Variants in MAP4K3 observed in about 807,000 individuals in gnomAD.
MAP4K3 encodes mitogen-activated protein kinase kinase kinase kinase 3, also known as MAPK/ERK kinase kinase kinase 3.
A neutral mutation model predicts 143.5 loss-of-function variants in MAP4K3; 94 were observed. The observed-to-expected ratio is 0.65, with a 90% CI of 0.55 to 0.78. The LOEUF is 0.78. Among genes scored for constraint, MAP4K3 ranks in the 30% least tolerant of loss-of-function variants. MAP4K3 has a pLI of 0.00. For synonymous variants in MAP4K3, 416 were observed against 347.2 expected, an observed-to-expected ratio of 1.20 and a Z score of -2.20; for missense variants, 1,077 against 1,068.1, an observed-to-expected ratio of 1.01 and a Z score of -0.12.
intron 28 of MAP4K3, among the ~76,000 whole-genome samples, chr2:39,262,733 T>C (rs760009103): frequency 6.6e-5 from 10 of 152,182 alleles, no homozygotes; most frequent in Non-Finnish European, 8.8e-5. Flanking sequence ...CTCTAGTAAA[T>C]AACACGGTGC....
chr2:39,310,277 G>A (rs1255143588), intron 13 of MAP4K3, among the ~76,000 whole-genome samples: 1 of 151,902 alleles, frequency 6.6e-6, no homozygotes, highest in Non-Finnish European at 1.5e-5. Context: ...CCTGCCTCTG[G>A]TAACCATCAT....
chr2:39,434,307 CT>C (rs1278870391), intron 1 of MAP4K3, among the ~76,000 whole-genome samples: 1 of 152,144 alleles, frequency 6.6e-6, no homozygotes, highest in Non-Finnish European at 1.5e-5. Flanking sequence ...AAAAATGTAA[CT>C]TTATAGAATA....
intron 1 of MAP4K3, among the ~76,000 whole-genome samples, chr2:39,397,852 T>C (rs1461657916): frequency 3.3e-5 from 5 of 152,118 alleles, no homozygotes; most frequent in Non-Finnish European, 5.9e-5. Flanking sequence ...TGGACAAGTA[T>C]GTGAAAAAGA....
chr2:39,345,235 A>C lies in MAP4K3; in HGVS notation c.246-1783T>G, dbSNP rs1245027097. Among the ~76,000 whole-genome samples, 3 of 146,048 alleles carry C rather than the reference A, an allele frequency of 2.1e-5. No individual in the cohort carries two copies. The East Asian group carries it at 6.2e-4, about 30-fold the overall frequency. On this transcript the variant is annotated intron_variant, in intron 3 of 33. Transcript: ENST00000263881. ...AAAAAACAAACAAAAAAAGTTAGCC[A>C]GGAGAAGTGGTGCATACCTGTAGTC...
chr2:39,269,644 T>C (rs1680929137), intron 26 of MAP4K3, among the ~76,000 whole-genome samples: 1 of 152,080 alleles, frequency 6.6e-6, no homozygotes, highest in African/African-American at 2.4e-5. Flanking sequence ...TGAACATTAT[T>C]CAGAGTGTGC....
Position 39,436,536 on chromosome 2 carries a change from T to A in MAP4K3, c.96+356A>T. ...GTTTGACAACACCAGACCCCTGCTG[T>A]CCGGTTCGTCGCGCTGACCCTGCCA... is the stretch of plus-strand genomic sequence containing the variant. On this transcript the variant is annotated intron_variant, in intron 1 of 33. Transcript: ENST00000263881. The A allele has an allele frequency of 8.0e-6, 2 of 249,848 alleles. 1 individual carries two copies. Among genetic ancestry groups the A allele is most frequent in the South Asian group, 8.9e-5 (2 of 22,556 alleles). 15.5% of individuals were successfully genotyped at this position (249,848 alleles called of 1,614,324 possible). A position where few individuals can be genotyped will look rare whatever the true frequency, so the allele number is the denominator to read the frequency against.
Position 39,333,589 on chromosome 2 carries a change from T to C in MAP4K3, c.415-15A>G. 1 of 1,528,494 alleles carries C rather than the reference T, an allele frequency of 6.5e-7. No homozygotes were observed. The highest frequency in any genetic ancestry group is 2.3e-5 in the East Asian group (1 of 44,316). The allele number at this position is 1,528,494 out of a possible 1,614,324, so 94.7% of individuals were successfully genotyped here. Reference sequence around the variant, plus strand: ...ATGTTAGCTCCCTTCAAAGTAACAATATTTTAGTTAGAGTAGGAAATAGAT... The same window carrying C: ...ATGTTAGCTCCCTTCAAAGTAACAACATTTTAGTTAGAGTAGGAAATAGAT... On this transcript the variant is annotated splice_polypyrimidine_tract_variant and intron_variant, in intron 6 of 33. Coordinates refer to ENST00000263881, the MANE Select transcript of MAP4K3 (RefSeq NM_003618.4).
chr2:39,263,260 A>C (rs903860799), intron 28 of MAP4K3, among the ~76,000 whole-genome samples: 1 of 151,566 alleles, frequency 6.6e-6, no homozygotes, highest in Non-Finnish European at 1.5e-5. Flanking sequence ...GAGACAAAAT[A>C]TACATATAGA....
At chr2:39,336,489 A>G (rs1233460110) in intron 6 of MAP4K3, among the ~76,000 whole-genome samples, 1 of 149,958 alleles carries the variant, frequency 6.7e-6, no homozygotes, top group Non-Finnish European at 1.5e-5. Flanking sequence ...AAAAAAAAAA[A>G]AAAAAAAAAA....
At chr2:39,359,668 C>A (rs1478725407) in intron 2 of MAP4K3, among the ~76,000 whole-genome samples, 1 of 152,260 alleles carries the variant, frequency 6.6e-6, no homozygotes, top group African/African-American at 2.4e-5. Context: ...TCCATATATC[C>A]TTGGAAATCT....
chr2:39,341,512 C>T (rs868453700), intron 4 of MAP4K3, among the ~76,000 whole-genome samples: 3 of 151,820 alleles, frequency 2.0e-5, no homozygotes, highest in Non-Finnish European at 4.4e-5. Context: ...TAAAAATTAG[C>T]CGGTGTGGTG....
At chr2:39,402,859 T>C (rs564914042) in intron 1 of MAP4K3, among the ~76,000 whole-genome samples, 26 of 150,384 alleles carry the variant, frequency 1.7e-4, no homozygotes, top group African/African-American at 5.8e-4. Flanking sequence ...TGTTGGGAAG[T>C]AGAGACATGA....
intron 1 of MAP4K3, among the ~76,000 whole-genome samples, chr2:39,415,835 C>A (rs1667354374): frequency 6.7e-6 from 1 of 148,468 alleles, no homozygotes; most frequent in Admixed American, 6.7e-5. Flanking sequence ...AGCCTGTAAT[C>A]CCAGCTACTT....
intron 27 of MAP4K3, among the ~76,000 whole-genome samples, chr2:39,265,687 G>A (rs537544440): frequency 6.6e-6 from 1 of 152,182 alleles, no homozygotes; most frequent in East Asian, 1.9e-4. Context: ...CAACACATTC[G>A]GGTGGTTCAC....
intron 19 of MAP4K3, among the ~76,000 whole-genome samples, chr2:39,288,880 G>A (rs926490207): frequency 2.0e-5 from 3 of 152,068 alleles, no homozygotes; most frequent in African/African-American, 2.4e-5. Flanking sequence ...GTGAAACCCC[G>A]TCTCTACTAA....
intron 2 of MAP4K3, among the ~76,000 whole-genome samples, chr2:39,370,342 C>T (rs1666046704): frequency 6.6e-6 from 1 of 152,140 alleles, no homozygotes; most frequent in Non-Finnish European, 1.5e-5. Flanking sequence ...GCGATAAACA[C>T]AAGGCAGCAC....
chr2:39,308,502 G>A (rs1344385106), intron 14 of MAP4K3, among the ~76,000 whole-genome samples: 3 of 152,110 alleles, frequency 2.0e-5, no homozygotes, highest in South Asian at 4.1e-4. Context: ...TTAAACTGAA[G>A]AAGAAAGCTC....
At chr2:39,277,539 C>T (rs1219350663) in intron 24 of MAP4K3, among the ~76,000 whole-genome samples, 1 of 152,044 alleles carries the variant, frequency 6.6e-6, no homozygotes, top group Admixed American at 6.5e-5. Context: ...AACCTGTCTT[C>T]AGTATCTGGT....
Position 39,356,289 on chromosome 2 carries a change from T to A in MAP4K3, c.205A>T (p.Lys69Ter). 1 of 1,604,264 alleles carries A rather than the reference T, an allele frequency of 6.2e-7. No individual in the cohort carries two copies. The highest frequency in any genetic ancestry group is 8.5e-7 in the Non-Finnish European group (1 of 1,175,532). Residue 69 changes from lysine (K) to a stop codon, truncating the protein, a stop_gained, in exon 3 of 34, where the codon AAA becomes TAA. Coordinates refer to ENST00000263881, the MANE Select transcript of MAP4K3 (RefSeq NM_003618.4). LOFTEE classifies it high-confidence loss of function. ...AAATAAGCAACAATATTTGGGTGTT[T>A]ACAGTCTTTCATCATAATAATTTCT... Reference protein sequence around the residue: ...QQEIIMMKDCKHPNIVAYFGS... With the variant: ...QQEIIMMKDC
Sources: allele counts gnomAD v4.1 joint callset (sites outside exome capture counted in the v4.1 genomes callset), GRCh38; gene constraint gnomAD v4.1.1; transcripts MANE v1.5; gene names NCBI Gene and HGNC (gene_info 2026-07-23, HGNC 2026-07-21).